The following NFIB variants were observed in gnomAD, a reference collection of about 807,000 sequenced individuals.
NFIB encodes the protein nuclear factor I B, also known as nuclear factor 1 B-type.
A neutral mutation model predicts 61.5 loss-of-function variants in NFIB; 11 were observed. The observed-to-expected ratio is 0.18, with a 90% CI of 0.11 to 0.30. The LOEUF is 0.30. Ranked by LOEUF, NFIB falls within the 10% of genes least tolerant of loss-of-function variation. The pLI is 1.00. For synonymous variants in NFIB, 260 were observed against 216.5 expected (o/e 1.20, Z -1.76); for missense variants, 471 against 608.9 (o/e 0.77, Z 2.38).
At chr9:14,446,518 T>C in the NFIB span, among the ~76,000 whole-genome samples, 113 of 152,216 alleles carry the variant, frequency 7.4e-4, 2 homozygotes, top group Non-Finnish European at 8.7e-4. Context: ...CTTTCATTAC[T>C]CTACTGTCAA....
intron 2 of NFIB, among the ~76,000 whole-genome samples, chr9:14,184,705 G>A (rs2047152722): frequency 6.6e-6 from 1 of 152,034 alleles, no homozygotes; most frequent in Non-Finnish European, 1.5e-5. Context: ...TTTTTTTGTA[G>A]GTCATTAATG....
At chr9:14,294,834 T>G (rs1240582294) in intron 2 of NFIB, among the ~76,000 whole-genome samples, 2 of 152,184 alleles carry the variant, frequency 1.3e-5, no homozygotes, top group African/African-American at 2.4e-5. Flanking sequence ...TGATTTAAAT[T>G]TTCCTAGTAG....
rs560633522 is a variant in NFIB, at chr9:14,349,465, A to T, written c.109-41945T>A. On this transcript the variant is annotated intron_variant, in intron 1 of 8. Coordinates refer to the NFIB transcript ENST00000380934. ...AAAGGCATTCCGCGTTATGTTTCCC[A>T]TGCGGGTTTCTGCTTTTTGATAGCG... 4.6e-4 allele frequency among the ~76,000 whole-genome samples: 70 copies of T among 152,274 alleles called. 2 individuals are homozygous for T. The South Asian group carries it at 0.011, about 24-fold the overall frequency.
At chr9:14,344,360 C>T (rs1370159778) in intron 1 of NFIB, among the ~76,000 whole-genome samples, 2 of 151,048 alleles carry the variant, frequency 1.3e-5, no homozygotes, top group African/African-American at 4.9e-5. Context: ...CAGGAGCAGC[C>T]GGGCCAGGCA....
the NFIB span, among the ~76,000 whole-genome samples, chr9:14,465,401 C>T: frequency 6.6e-6 from 1 of 152,052 alleles, no homozygotes; most frequent in African/African-American, 2.4e-5. Flanking sequence ...GAACATATTT[C>T]AAAAAATAAA....
chr9:14,414,060 T>A, the NFIB span, among the ~76,000 whole-genome samples: 1 of 152,150 alleles, frequency 6.6e-6, no homozygotes, highest in African/African-American at 2.4e-5. Flanking sequence ...TGAAAATAGC[T>A]GATTAATTTA....
the NFIB span, among the ~76,000 whole-genome samples, chr9:14,417,867 G>A: frequency 5.9e-5 from 8 of 135,776 alleles, no homozygotes; most frequent in African/African-American, 1.9e-4. Flanking sequence ...TGCAACCTCT[G>A]CCTCCCGAGT....
chr9:14,356,702 G>T (rs1181603163), intron 1 of NFIB, among the ~76,000 whole-genome samples: 1 of 152,220 alleles, frequency 6.6e-6, no homozygotes, highest in Non-Finnish European at 1.5e-5. Context: ...GGAGGGCTGA[G>T]CTGGAGAGTA....
intron 2 of NFIB, among the ~76,000 whole-genome samples, chr9:14,218,142 G>A (rs1163132795): frequency 6.6e-6 from 1 of 152,172 alleles, no homozygotes; most frequent in Non-Finnish European, 1.5e-5. Context: ...GAGCTCCAAG[G>A]TGGTATTTGG....
chr9:14,300,751 C>G (rs1214790424), intron 2 of NFIB, among the ~76,000 whole-genome samples: 2 of 152,152 alleles, frequency 1.3e-5, no homozygotes, highest in Non-Finnish European at 2.9e-5. Context: ...TCCGTTGGGT[C>G]CCTCTCTCTT....
intron 2 of NFIB, among the ~76,000 whole-genome samples, chr9:14,235,136 A>C (rs1448864375): frequency 6.6e-6 from 1 of 152,216 alleles, no homozygotes; most frequent in East Asian, 1.9e-4. Flanking sequence ...TATACGATTG[A>C]AAACAAAATA....
intron 1 of NFIB, among the ~76,000 whole-genome samples, chr9:14,336,014 G>A (rs1177039876): frequency 2.6e-5 from 4 of 152,080 alleles, no homozygotes; most frequent in African/African-American, 2.4e-5. Flanking sequence ...TTTCTATTCT[G>A]TTTCATTGAT....
At chr9:14,383,375 G>A (rs974392548) in intron 1 of NFIB, among the ~76,000 whole-genome samples, 5 of 152,120 alleles carry the variant, frequency 3.3e-5, no homozygotes, top group African/African-American at 1.2e-4. Flanking sequence ...TTTGCCTCCT[G>A]GGTTGAAAGG....
chr9:14,227,444 T>C (rs73415716), intron 2 of NFIB, among the ~76,000 whole-genome samples: 11,570 of 152,230 alleles, frequency 0.076, 1,465 homozygotes, highest in African/African-American at 0.26. Context: ...AACCAATGAA[T>C]TGGAAAACAT....
intron 2 of NFIB, among the ~76,000 whole-genome samples, chr9:14,217,678 A>G (rs1454367878): frequency 6.6e-6 from 1 of 150,904 alleles, no homozygotes; most frequent in African/African-American, 2.4e-5. Flanking sequence ...AAAAAAAAAA[A>G]AAAGACACAA....
chr9:14,381,380 G>T (rs991434307), intron 1 of NFIB, among the ~76,000 whole-genome samples: 1 of 151,846 alleles, frequency 6.6e-6, no homozygotes, highest in Non-Finnish European at 1.5e-5. Flanking sequence ...TTGTAGAGAC[G>T]GGGTTTTACC....
At chr9:14,320,439 T>A (rs116954524) in intron 1 of NFIB, among the ~76,000 whole-genome samples, 2 of 152,354 alleles carry the variant, frequency 1.3e-5, no homozygotes, top group East Asian at 1.9e-4. Flanking sequence ...TTTGCCCACA[T>A]ATGATTTAAT....
chr9:14,493,821 T>A, the NFIB span, among the ~76,000 whole-genome samples: 1 of 152,236 alleles, frequency 6.6e-6, no homozygotes, highest in Admixed American at 6.5e-5. Flanking sequence ...CTTCTCCTTG[T>A]AGGTAAAGGT....
the NFIB span, among the ~76,000 whole-genome samples, chr9:14,502,388 A>T: frequency 6.6e-6 from 1 of 152,200 alleles, no homozygotes; most frequent in Non-Finnish European, 1.5e-5. Flanking sequence ...TGAAAATAAG[A>T]ATATCTACTG....
Sources: allele counts gnomAD v4.1 joint callset (sites outside exome capture counted in the v4.1 genomes callset), GRCh38; gene constraint gnomAD v4.1.1; transcripts MANE v1.5; gene names NCBI Gene and HGNC (gene_info 2026-07-23, HGNC 2026-07-21).